PKD2: variants seen among roughly 807,000 people sequenced by gnomAD.
PKD2 encodes polycystin 2, transient receptor potential cation channel.
In PKD2, 48 loss-of-function variants were observed where a neutral mutation model predicts 105.9. That is an observed-to-expected ratio of 0.45 (90% CI 0.36 to 0.58). PKD2 has a LOEUF of 0.58. Ranked by LOEUF, PKD2 falls within the 20% of genes least tolerant of loss-of-function variation. PKD2 has a pLI of 0.00. For synonymous variants in PKD2, 464 were observed against 481.1 expected (o/e 0.96, Z 0.46); for missense variants, 1,078 against 1,255.3 (o/e 0.86, Z 2.13).
intron 1 of PKD2, among the ~76,000 whole-genome samples, chr4:88,015,408 A>G (rs537463390): frequency 6.6e-6 from 1 of 152,320 alleles, no homozygotes; most frequent in East Asian, 1.9e-4. Context: ...TCTAAAATAA[A>G]AAGTTGTAGT....
intron 5 of PKD2, among the ~76,000 whole-genome samples, chr4:88,045,765 TGAG>T (rs1235573677): frequency 6.8e-6 from 1 of 147,136 alleles, no homozygotes; most frequent in Non-Finnish European, 1.5e-5. Context: ...AGACATCTAT[TGAG>T]TACCCACCTA....
chr4:88,026,730 G>A (rs1168016164), intron 2 of PKD2, among the ~76,000 whole-genome samples: 1 of 152,208 alleles, frequency 6.6e-6, no homozygotes, highest in Admixed American at 6.5e-5. Flanking sequence ...TGGAGGCCTA[G>A]AAGGGAAAAA....
chr4:88,016,037 A>G (rs1370449949), intron 1 of PKD2, among the ~76,000 whole-genome samples: 3 of 152,148 alleles, frequency 2.0e-5, no homozygotes, highest in Non-Finnish European at 1.5e-5. Flanking sequence ...GGAGCAGGCA[A>G]TCTAGATTCT....
At chr4:88,057,054 A>G (rs994556323) in intron 8 of PKD2, among the ~76,000 whole-genome samples, 1 of 151,996 alleles carries the variant, frequency 6.6e-6, no homozygotes, top group Non-Finnish European at 1.5e-5. Context: ...CAGTGGTGCA[A>G]TCATAGCTCA....
rs183809513 is a variant in PKD2, at chr4:88,072,031, G to A, written c.2523-2781G>A. Among the ~76,000 whole-genome samples, 15 of 140,232 alleles carry A rather than the reference G, an allele frequency of 1.1e-4. No individual in the cohort carries two copies. In the East Asian group the frequency reaches 2.8e-3, roughly 26 times the overall value. 92.0% of individuals were successfully genotyped at this position (140,232 alleles called of 152,430 possible). Reference sequence around the variant, plus strand: ...AGAGTCTCACTCTGTTGCCCAGGCCGGAATGTAGTGGTGCAGTCTCAGCTC... The same window carrying A: ...AGAGTCTCACTCTGTTGCCCAGGCCAGAATGTAGTGGTGCAGTCTCAGCTC... On this transcript the variant is annotated intron_variant, in intron 13 of 14. Coordinates refer to ENST00000237596, the MANE Select transcript of PKD2 (RefSeq NM_000297.4).
chr4:88,031,131 G>A (rs932867369), intron 2 of PKD2, among the ~76,000 whole-genome samples: 6 of 152,176 alleles, frequency 3.9e-5, no homozygotes, highest in African/African-American at 1.4e-4. Context: ...TCAGCCATGT[G>A]ATTATGAGGG....
chr4:88,038,845 C>T (rs577193336), intron 4 of PKD2, among the ~76,000 whole-genome samples: 27 of 152,278 alleles, frequency 1.8e-4, no homozygotes, highest in African/African-American at 6.0e-4. Flanking sequence ...AGTTATTTAA[C>T]ACAAGTTTTC....
intron 4 of PKD2, 30 bp downstream of exon 4, chr4:88,038,531 T>C (rs768744830): frequency 6.2e-7 from 1 of 1,610,034 alleles, no homozygotes; most frequent in Non-Finnish European, 8.5e-7. Context: ...TGCCACTCGG[T>C]GATATTCATT....
intron 2 of PKD2, among the ~76,000 whole-genome samples, chr4:88,033,022 G>A (rs765266153): frequency 6.6e-6 from 1 of 152,120 alleles, no homozygotes. Context: ...CACCTGCATG[G>A]GCTCTTGGTG....
chr4:88,008,432 C>G, intron 1 of PKD2, 104 bp downstream of exon 1: 2 of 1,371,140 alleles, frequency 1.5e-6, no homozygotes, highest in Non-Finnish European at 9.6e-7. Context: ...ATCTCGCATC[C>G]CCTCTGCGTT....
At chr4:88,049,386 A>G (rs1284658934) in intron 6 of PKD2, among the ~76,000 whole-genome samples, 4 of 152,326 alleles carry the variant, frequency 2.6e-5, no homozygotes, top group East Asian at 3.9e-4. Context: ...AAGAAAGGCA[A>G]TGATATCATG....
At position 88,027,893 on chromosome 4, in the gene PKD2, C is replaced by T. The variant is rs530788723; in HGVS notation, c.709+8322C>T. 5.3e-5 allele frequency among the ~76,000 whole-genome samples: 8 copies of T among 152,338 alleles called. No homozygotes were observed. In the South Asian group the frequency reaches 1.4e-3, roughly 28 times the overall value. ...AAGAAGGTACTTGCTTCTCCTTTGC[C>T]TTCTGCCATGATTGTAAGTTTCCTG... On this transcript the variant is annotated intron_variant, in intron 2 of 14. Coordinates refer to ENST00000237596, the MANE Select transcript of PKD2 (RefSeq NM_000297.4).
chr4:88,053,730 G>A (rs1305981386), intron 7 of PKD2, among the ~76,000 whole-genome samples: 1 of 151,154 alleles, frequency 6.6e-6, no homozygotes, highest in Non-Finnish European at 1.5e-5. Context: ...GCTTGTTCAA[G>A]AGAAACCATC....
In PKD2 at chr4:88,046,681, A is replaced by C; in HGVS notation, c.1359A>C (p.Pro453=). 6.2e-7 allele frequency: 1 copy of C among 1,613,546 alleles called. No individual in the cohort carries two copies. Among genetic ancestry groups the C allele is most frequent in the Non-Finnish European group, 8.5e-7 (1 of 1,179,450 alleles). The change falls in exon 6 of 15, where the codon CCA becomes CCC. Residue 453 remains proline (P), a synonymous_variant. Transcript: ENST00000237596. ...TCCCAGCAACAGGTGGTGTGATTCC[A>C]TCTTGGCAATTTCAGCCTTTAAAGC... is the stretch of plus-strand genomic sequence containing the variant. ...VEFPATGGVI[P]SWQFQPLKLI...
At chr4:88,020,259 A>G (rs552953060) in intron 2 of PKD2, among the ~76,000 whole-genome samples, 70 of 152,228 alleles carry the variant, frequency 4.6e-4, no homozygotes, top group Non-Finnish European at 7.5e-4. Flanking sequence ...AGGAAATACA[A>G]ATAATGCTAC....
At chr4:88,058,255 T>C (rs1720436505) in intron 9 of PKD2, 152 bp downstream of exon 9, 1 of 631,320 alleles carries the variant, frequency 1.6e-6, no homozygotes, top group African/African-American at 1.8e-5. Context: ...TTTCCTTTTA[T>C]TAATTCACAG....
intron 1 of PKD2, among the ~76,000 whole-genome samples, chr4:88,015,674 G>A (rs1374617177): frequency 1.3e-5 from 2 of 152,166 alleles, no homozygotes; most frequent in East Asian, 1.9e-4. Context: ...CACCCACCTC[G>A]GCCTCCCAGA....
At position 88,024,949 on chromosome 4, in the gene PKD2, A is replaced by G. The variant is rs187383310; in HGVS notation, c.709+5378A>G. ...GGAGTTCAAGACCAGCCCGGCCAAG[A>G]TGGTGAAACCCCATCTCTACTAAAA... is the stretch of plus-strand genomic sequence containing the variant. On this transcript the variant is annotated intron_variant, in intron 2 of 14. Coordinates refer to ENST00000237596, the MANE Select transcript of PKD2 (RefSeq NM_000297.4). Among the ~76,000 whole-genome samples, 817 of 152,208 alleles carry G rather than the reference A, an allele frequency of 5.4e-3. 5 individuals carry two copies. The highest frequency in any genetic ancestry group is 0.018 in the African/African-American group (760 of 41,530).
intron 4 of PKD2, among the ~76,000 whole-genome samples, chr4:88,039,503 A>G (rs552266859): frequency 6.1e-4 from 93 of 152,088 alleles, no homozygotes; most frequent in African/African-American, 2.2e-3. Context: ...TGACTCTACT[A>G]AAAATACAAA....
Sources: gnomAD v4.1 joint callset for allele counts (sites outside exome capture counted in the v4.1 genomes callset) on GRCh38, gnomAD v4.1.1 for gene constraint, MANE v1.5 for transcripts, NCBI Gene and HGNC (gene_info 2026-07-23, HGNC 2026-07-21) for gene names.